The following PIGU variants were observed in gnomAD, a reference collection of about 807,000 sequenced individuals.
PIGU encodes the protein phosphatidylinositol glycan anchor biosynthesis class U, also known as GPI-anchor transamidase component PIGU.
PIGU carries 24 observed loss-of-function variants against 49.9 expected under a neutral mutation model. The ratio of observed to expected loss-of-function variants is 0.48; its 90% CI spans 0.35 to 0.68. The LOEUF (loss-of-function observed/expected upper bound fraction) is 0.68. PIGU is among the 30% of genes least tolerant of loss of function. PIGU has a pLI of 0.01. For missense variants in PIGU, 490 were observed against 532.6 expected (o/e 0.92, Z 0.79); for synonymous variants, 220 against 205.7 (o/e 1.07, Z -0.59).
intron 10 of PIGU, among the ~76,000 whole-genome samples, chr20:34,580,002 C>A (rs969078633): frequency 6.6e-6 from 1 of 152,116 alleles, no homozygotes; most frequent in African/African-American, 2.4e-5. Flanking sequence ...AAATCAGATG[C>A]TCAGAAAGGT....
intron 7 of PIGU, among the ~76,000 whole-genome samples, chr20:34,607,403 G>A (rs1984657120): frequency 6.6e-6 from 1 of 152,192 alleles, no homozygotes; most frequent in Admixed American, 6.5e-5. Flanking sequence ...GCAGCAGCCA[G>A]AAGTCAGAGG....
chr20:34,669,027 G>C (rs534205108), intron 1 of PIGU, among the ~76,000 whole-genome samples: 1 of 151,680 alleles, frequency 6.6e-6, no homozygotes, highest in East Asian at 1.9e-4. Flanking sequence ...TGGGACCACA[G>C]GTGTGCGCCA....
At chr20:34,658,417 C>G (rs183658701) in intron 1 of PIGU, among the ~76,000 whole-genome samples, 1 of 152,208 alleles carries the variant, frequency 6.6e-6, no homozygotes, top group African/African-American at 2.4e-5. Context: ...GCCGCCACCC[C>G]GTCTGGGAAG....
chr20:34,606,526 G>A (rs1984621758), intron 7 of PIGU, among the ~76,000 whole-genome samples: 1 of 151,996 alleles, frequency 6.6e-6, no homozygotes, highest in African/African-American at 2.4e-5. Flanking sequence ...CTGCTTCCTT[G>A]TGGTGTCATT....
intron 7 of PIGU, among the ~76,000 whole-genome samples, chr20:34,598,970 G>A (rs934475640): frequency 6.6e-5 from 10 of 151,958 alleles, no homozygotes; most frequent in Non-Finnish European, 8.8e-5. Flanking sequence ...TCAGACTCCC[G>A]AGTAGCTGGA....
intron 7 of PIGU, among the ~76,000 whole-genome samples, chr20:34,610,425 C>T (rs565022940): frequency 1.3e-5 from 2 of 152,068 alleles, no homozygotes; most frequent in South Asian, 2.1e-4. Flanking sequence ...ACAAGCAAAG[C>T]GCCAAATCAT....
At chr20:34,580,472 G>C (rs1983411069) in intron 10 of PIGU, among the ~76,000 whole-genome samples, 1 of 152,218 alleles carries the variant, frequency 6.6e-6, no homozygotes, top group Non-Finnish European at 1.5e-5. Context: ...CCCACAGCTA[G>C]TCAGTTTCAC....
intron 1 of PIGU, among the ~76,000 whole-genome samples, chr20:34,674,489 T>C (rs1393473885): frequency 1.3e-5 from 2 of 152,204 alleles, no homozygotes; most frequent in Non-Finnish European, 1.5e-5. Flanking sequence ...CACCTGTCCA[T>C]CCTGTAAGTA....
chr20:34,619,254 G>C (rs1271520521), intron 6 of PIGU, among the ~76,000 whole-genome samples: 4 of 152,190 alleles, frequency 2.6e-5, no homozygotes, highest in Admixed American at 2.0e-4. Flanking sequence ...GCCCAGCTAA[G>C]CTGTGACACC....
intron 7 of PIGU, among the ~76,000 whole-genome samples, chr20:34,603,861 G>GACACACACAC (rs142929319): frequency 4.7e-4 from 68 of 143,896 alleles, no homozygotes; most frequent in African/African-American, 1.5e-3. Context: ...TTAGTGGACA[G>GACACACACAC]ACACACACAC....
intron 6 of PIGU, among the ~76,000 whole-genome samples, chr20:34,620,931 T>TA (rs1985195288): frequency 6.6e-6 from 1 of 151,806 alleles, no homozygotes; most frequent in Non-Finnish European, 1.5e-5. Flanking sequence ...TTTACTGAGA[T>TA]AAAAACCACA....
chr20:34,609,371 T>C (rs968050810), intron 7 of PIGU, among the ~76,000 whole-genome samples: 8 of 152,064 alleles, frequency 5.3e-5, no homozygotes, highest in African/African-American at 1.9e-4. Context: ...TTTTTGTTTT[T>C]TTTTTGTTTT....
At chr20:34,648,167 CT>C (rs1320912287) in intron 2 of PIGU, among the ~76,000 whole-genome samples, 10 of 150,164 alleles carry the variant, frequency 6.7e-5, no homozygotes, top group Admixed American at 2.0e-4. Flanking sequence ...GGGAGAATTG[CT>C]TGAGCCCAGG....
Position 34,575,258 on chromosome 20 carries a change from G to A in PIGU, c.1052-12C>T, listed in dbSNP as rs1983178117. 2 of 1,613,110 alleles carry A rather than the reference G, an allele frequency of 1.2e-6. No homozygotes were observed. The highest frequency in any genetic ancestry group is 1.7e-6 in the Non-Finnish European group (2 of 1,179,308). Reference sequence around the variant, plus strand: ...GATGTTTCTCAGGACTGCAAAGACAGAGGGTTACAGTTAGCCTGACACGCT... The same window carrying A: ...GATGTTTCTCAGGACTGCAAAGACAAAGGGTTACAGTTAGCCTGACACGCT... On this transcript the variant is annotated splice_polypyrimidine_tract_variant and intron_variant, in intron 10 of 11. Transcript: ENST00000217446.
intron 4 of PIGU, among the ~76,000 whole-genome samples, chr20:34,641,675 A>G (rs1986168313): frequency 6.6e-6 from 1 of 152,158 alleles, no homozygotes; most frequent in Admixed American, 6.5e-5. Context: ...TTCATTACCA[A>G]GGATAAAAAG....
chr20:34,595,891 G>C (rs1984179263), intron 7 of PIGU, among the ~76,000 whole-genome samples: 1 of 152,156 alleles, frequency 6.6e-6, no homozygotes, highest in African/African-American at 2.4e-5. Context: ...TTGAAGTCAG[G>C]AGTTCAATAC....
At chr20:34,664,450 G>A (rs937370169) in intron 1 of PIGU, among the ~76,000 whole-genome samples, 1 of 152,212 alleles carries the variant, frequency 6.6e-6, no homozygotes, top group African/African-American at 2.4e-5. Flanking sequence ...TGTAATCCCA[G>A]CACTTTGGGA....
At chr20:34,595,113 A>G (rs867841190) in intron 7 of PIGU, among the ~76,000 whole-genome samples, 43 of 150,908 alleles carry the variant, frequency 2.8e-4, no homozygotes, top group African/African-American at 9.2e-4. Context: ...AAAAAAAAAA[A>G]AAAAAGAAAA....
intron 8 of PIGU, 115 bp downstream of exon 8, chr20:34,588,338 G>T: frequency 1.1e-6 from 1 of 891,158 alleles, no homozygotes. Context: ...GTTGTTTGAG[G>T]AATGTTCATA....
Sources: allele counts gnomAD v4.1 joint callset (sites outside exome capture counted in the v4.1 genomes callset), GRCh38; gene constraint gnomAD v4.1.1; transcripts MANE v1.5; gene names NCBI Gene and HGNC (gene_info 2026-07-23, HGNC 2026-07-21).